WDR19: variants seen among roughly 807,000 people sequenced by gnomAD.
WDR19 encodes the protein WD repeat-containing protein 19.
WDR19 carries 121 observed loss-of-function variants against 180.0 expected under a neutral mutation model. The observed-to-expected ratio is 0.67, with a 90% CI of 0.58 to 0.78. WDR19 has a LOEUF of 0.78. WDR19 is among the 30% of genes least tolerant of loss of function. The probability of loss-of-function intolerance (pLI) is 0.00; values close to 1 mark genes in which losing one functional copy is unlikely to be tolerated. For missense variants in WDR19, 1,450 were observed against 1,640.7 expected (o/e 0.88, Z 2.01); for synonymous variants, 497 against 540.7 (o/e 0.92, Z 1.12).
chr4:39,278,791 CA>C (rs1276673008), intron 36 of WDR19, 128 bp downstream of exon 36: 2 of 468,928 alleles, frequency 4.3e-6, no homozygotes, highest in Admixed American at 3.9e-5. Flanking sequence ...AACAATCTGA[CA>C]ACCACCTTTT....
chr4:39,227,076 A>G (rs1186073454), intron 15 of WDR19, among the ~76,000 whole-genome samples: 2 of 152,190 alleles, frequency 1.3e-5, no homozygotes, highest in African/African-American at 4.8e-5. Flanking sequence ...ATATTTTACA[A>G]TCTTTTTTTC....
In WDR19 at chr4:39,186,808, C is replaced by CA. The variant is rs1276436602; in HGVS notation, c.164+205dup. 1.1e-4 allele frequency among the ~76,000 whole-genome samples: 16 copies of CA among 152,150 alleles called. 1 individual carries two copies. In the East Asian group the frequency reaches 3.1e-3, roughly 29 times the overall value. ...TTCTATCTATAAACACCCATATACTCACAGAGAAGCCTTACGGCAGGATTA... is the reference window on the plus strand; with the variant it reads ...TTCTATCTATAAACACCCATATACTCAACAGAGAAGCCTTACGGCAGGATTA... On this transcript the variant is annotated intron_variant, in intron 3 of 36. Coordinates refer to ENST00000399820, the MANE Select transcript of WDR19 (RefSeq NM_025132.4).
rs201685269 is a variant in WDR19 at position 39,253,202 on chromosome 4, G to A, written c.2786G>A (p.Arg929His). 114 of 1,613,106 alleles carry A rather than the reference G, an allele frequency of 7.1e-5. No individual in the cohort carries two copies. The highest frequency in any genetic ancestry group is 8.9e-5 in the East Asian group (4 of 44,802). The stretch of plus-strand genomic sequence containing the variant: ...GCAAAACAGTGGCAAAGTGTAATCC[G>A]CATCTATCTGGATCACCTCAATAAT... ...ENAKQWQSVIRIYLDHLNNPE... is the reference protein window; with the variant it reads ...ENAKQWQSVIHIYLDHLNNPE... Residue 929 changes from arginine (R) to histidine (H), a missense_variant, in exon 25 of 37, where the codon CGC (arginine) becomes CAC (histidine). Physicochemically the swap from Arg to His is conservative, Grantham distance 29. Coordinates refer to ENST00000399820, the MANE Select transcript of WDR19 (RefSeq NM_025132.4).
At chr4:39,251,582 G>C (rs1733189741) in intron 24 of WDR19, among the ~76,000 whole-genome samples, 1 of 152,154 alleles carries the variant, frequency 6.6e-6, no homozygotes, top group South Asian at 2.1e-4. Flanking sequence ...GCAACCTACA[G>C]AATGGGAGAA....
chr4:39,211,774 A>G (rs1262939312), intron 9 of WDR19, among the ~76,000 whole-genome samples: 1 of 152,182 alleles, frequency 6.6e-6, no homozygotes, highest in Non-Finnish European at 1.5e-5. Context: ...TTAGACCCAA[A>G]TAAATAGAGA....
intron 12 of WDR19, among the ~76,000 whole-genome samples, chr4:39,216,619 CT>C (rs1729095014): frequency 6.6e-6 from 1 of 152,158 alleles, no homozygotes; most frequent in South Asian, 2.1e-4. Context: ...GGCACAGTGA[CT>C]TTTTTTAAGC....
chr4:39,192,493 G>A (rs1451443413), intron 4 of WDR19, among the ~76,000 whole-genome samples: 1 of 152,088 alleles, frequency 6.6e-6, no homozygotes, highest in Non-Finnish European at 1.5e-5. Context: ...TGTTTGGAAC[G>A]GAGGCTCCCT....
chr4:39,244,772 T>A (rs1226503782), intron 23 of WDR19, among the ~76,000 whole-genome samples: 1 of 152,114 alleles, frequency 6.6e-6, no homozygotes, highest in African/African-American at 2.4e-5. Flanking sequence ...AAATCCTTAA[T>A]CAGATAAATT....
chr4:39,199,569 T>C lies in WDR19; in HGVS notation c.498T>C (p.Asn166=), dbSNP rs747914310. 6 of 1,613,330 alleles carry C rather than the reference T, an allele frequency of 3.7e-6. No homozygotes were observed. The highest frequency in any genetic ancestry group is 5.1e-6 in the Non-Finnish European group (6 of 1,179,670). The change falls in exon 6 of 37, where the codon AAT becomes AAC. Residue 166 remains asparagine, a synonymous_variant. Transcript: ENST00000399820. ...AAGATAAAATGATTACAGTTAGTAA[T>C]CAGGAAGGTGACACGATAAGACAGG... ...GGEDKMITVS[N]QEGDTIRQTQ...
chr4:39,283,697 A>T (rs534910673), intron 36 of WDR19, among the ~76,000 whole-genome samples: 2 of 152,330 alleles, frequency 1.3e-5, no homozygotes, highest in South Asian at 4.1e-4. Context: ...AGGAAATTAT[A>T]AAGAAAAAAA....
intron 28 of WDR19, among the ~76,000 whole-genome samples, chr4:39,264,136 A>G (rs546277524): frequency 6.6e-6 from 1 of 152,158 alleles, no homozygotes; most frequent in Non-Finnish European, 1.5e-5. Context: ...TAATCCTCAC[A>G]ACAGTTCTGT....
chr4:39,275,001 A>C, intron 33 of WDR19, 43 bp downstream of exon 33: 1 of 1,564,586 alleles, frequency 6.4e-7, no homozygotes, highest in Non-Finnish European at 8.6e-7. Flanking sequence ...CGTATTTCTC[A>C]AAGTATTTCC....
chr4:39,281,230 T>TAG (rs796659495), intron 36 of WDR19, among the ~76,000 whole-genome samples: 1,376 of 97,060 alleles, frequency 0.014, 12 homozygotes, highest in Non-Finnish European at 0.02. Flanking sequence ...TATATATATA[T>TAG]ATATATAGAG....
intron 19 of WDR19, among the ~76,000 whole-genome samples, chr4:39,232,619 T>G (rs1412701525): frequency 6.6e-6 from 1 of 151,926 alleles, no homozygotes; most frequent in Non-Finnish European, 1.5e-5. Flanking sequence ...GGAGAATTGC[T>G]TGAACCTAGG....
chr4:39,221,727 A>G (rs1385451564), intron 14 of WDR19, among the ~76,000 whole-genome samples: 1 of 152,160 alleles, frequency 6.6e-6, no homozygotes, highest in Non-Finnish European at 1.5e-5. Context: ...AATGTAATAA[A>G]TGTTTGTATA....
rs368949539 is a variant in WDR19 at position 39,280,141 on chromosome 4, T to TTTTTTTTTTTTTTTTTTTTTTTTTTTTA, written c.*13+1478_*13+1479insTTTTTTTTTTTTTTTTTTTTTTTTTTTA. Reference sequence around the variant, plus strand: ...CTTGTTTTTTTTTTTTTTTTTTTTTTAATAGAGGCAGGGTCTCGCCACATT... The same window carrying TTTTTTTTTTTTTTTTTTTTTTTTTTTTA: ...CTTGTTTTTTTTTTTTTTTTTTTTTTTTTTTTTTTTTTTTTTTTTTTTTTTTTAAATAGAGGCAGGGTCTCGCCACATT... On this transcript the variant is annotated intron_variant, in intron 36 of 36. Coordinates refer to ENST00000399820, the MANE Select transcript of WDR19 (RefSeq NM_025132.4). Among the ~76,000 whole-genome samples the TTTTTTTTTTTTTTTTTTTTTTTTTTTTA allele has an allele frequency of 2.2e-4, 19 of 88,350 alleles. 5 individuals are homozygous for TTTTTTTTTTTTTTTTTTTTTTTTTTTTA. Among genetic ancestry groups the TTTTTTTTTTTTTTTTTTTTTTTTTTTTA allele is most frequent in the South Asian group, 7.9e-4 (2 of 2,518 alleles). 58.0% of individuals were successfully genotyped at this position (88,350 alleles called of 152,430 possible). A position where few individuals can be genotyped will look rare whatever the true frequency, so the allele number is the denominator to read the frequency against.
At chr4:39,251,622 G>A (rs1008792426) in intron 24 of WDR19, among the ~76,000 whole-genome samples, 33 of 152,026 alleles carry the variant, frequency 2.2e-4, no homozygotes, top group African/African-American at 6.0e-4. Context: ...TCTGACAAAG[G>A]GCTAATATCC....
At chr4:39,277,279 A>G (rs1735993802) in intron 34 of WDR19, 136 bp downstream of exon 34, 22 of 986,962 alleles carry the variant, frequency 2.2e-5, no homozygotes, top group Non-Finnish European at 3.1e-5. Flanking sequence ...CTAGCATTTT[A>G]TTTCATAGTC....
intron 2 of WDR19, 64 bp downstream of exon 2, chr4:39,185,881 G>A (rs1725467285): frequency 1.5e-5 from 19 of 1,262,532 alleles, no homozygotes; most frequent in Non-Finnish European, 2.0e-5. Context: ...CATCTACTCA[G>A]TAGAAGTTTT....
Sources: gnomAD v4.1 joint callset for allele counts (sites outside exome capture counted in the v4.1 genomes callset) on GRCh38, gnomAD v4.1.1 for gene constraint, MANE v1.5 for transcripts, NCBI Gene and HGNC (gene_info 2026-07-23, HGNC 2026-07-21) for gene names.